The following ST6GALNAC3 variants were observed in gnomAD, a reference collection of about 807,000 sequenced individuals.
ST6GALNAC3 encodes the protein alpha-N-acetylgalactosaminide alpha-2,6-sialyltransferase 3.
Under a neutral mutation model 32.7 loss-of-function variants are expected in ST6GALNAC3, and 25 were observed. That is an observed-to-expected ratio of 0.76 (90% CI 0.56 to 1.07). The LOEUF is 1.07. Among genes scored for constraint, ST6GALNAC3 ranks in the 50% least tolerant of loss-of-function variants. The probability of loss-of-function intolerance (pLI) is 0.00; values close to 1 mark genes in which losing one functional copy is unlikely to be tolerated. For missense variants in ST6GALNAC3, 355 were observed against 382.4 expected (o/e 0.93, Z 0.60); for synonymous variants, 129 against 133.1 (o/e 0.97, Z 0.21).
intron 1 of ST6GALNAC3, among the ~76,000 whole-genome samples, chr1:76,293,215 C>A (rs1207144057): frequency 2.0e-5 from 3 of 152,170 alleles, no homozygotes; most frequent in Non-Finnish European, 2.9e-5. Flanking sequence ...CTTAACCAAT[C>A]TTTCTACCTT....
intron 3 of ST6GALNAC3, among the ~76,000 whole-genome samples, chr1:76,593,544 TA>T (rs1647082901): frequency 6.6e-6 from 1 of 152,166 alleles, no homozygotes; most frequent in South Asian, 2.1e-4. Context: ...TGTGGCAGAA[TA>T]AAAAGAGGTT....
intron 3 of ST6GALNAC3, among the ~76,000 whole-genome samples, chr1:76,435,101 AT>A (rs1422593959): frequency 3.3e-5 from 5 of 151,880 alleles, no homozygotes; most frequent in Non-Finnish European, 5.9e-5. Context: ...ACCATTTTAT[AT>A]TTTGATAATT....
At chr1:76,358,002 T>G (rs1208579252) in intron 2 of ST6GALNAC3, among the ~76,000 whole-genome samples, 1 of 152,146 alleles carries the variant, frequency 6.6e-6, no homozygotes, top group African/African-American at 2.4e-5. Context: ...TACTACACCT[T>G]TTTCATTATT....
intron 1 of ST6GALNAC3, among the ~76,000 whole-genome samples, chr1:76,227,379 G>C (rs1469028710): frequency 6.6e-6 from 1 of 152,148 alleles, no homozygotes; most frequent in Non-Finnish European, 1.5e-5. Flanking sequence ...GTGGAATTGA[G>C]CACATTGTTT....
chr1:76,535,902 T>C (rs1663565574), intron 3 of ST6GALNAC3, among the ~76,000 whole-genome samples: 1 of 152,200 alleles, frequency 6.6e-6, no homozygotes, highest in Admixed American at 6.5e-5. Context: ...GCAGGTTTTA[T>C]AACTTAACTA....
chr1:76,278,097 A>T (rs907746072), intron 1 of ST6GALNAC3, among the ~76,000 whole-genome samples: 1 of 135,436 alleles, frequency 7.4e-6, no homozygotes, highest in Non-Finnish European at 1.5e-5. Flanking sequence ...TCTTTGTAAC[A>T]TTATAATGTT....
At chr1:76,426,832 T>C (rs1489042889) in intron 3 of ST6GALNAC3, among the ~76,000 whole-genome samples, 2 of 151,928 alleles carry the variant, frequency 1.3e-5, no homozygotes, top group African/African-American at 4.8e-5. Context: ...GCTATAGGAA[T>C]TTTTCAGCTC....
At chr1:76,459,975 C>T (rs1259120944) in intron 3 of ST6GALNAC3, among the ~76,000 whole-genome samples, 1 of 152,006 alleles carries the variant, frequency 6.6e-6, no homozygotes, top group Non-Finnish European at 1.5e-5. Context: ...TACTTGAATA[C>T]CTGTTTTCAG....
intron 2 of ST6GALNAC3, 110 bp downstream of exon 2, chr1:76,314,109 A>T (rs1222621439): frequency 2.3e-5 from 24 of 1,033,482 alleles, no homozygotes; most frequent in Admixed American, 3.1e-5. Context: ...TGCCCCGGAG[A>T]GCTTGCTTGG....
chr1:76,178,624 A>C (rs1414546706), intron 1 of ST6GALNAC3, among the ~76,000 whole-genome samples: 1 of 152,220 alleles, frequency 6.6e-6, no homozygotes, highest in Non-Finnish European at 1.5e-5. Context: ...ATCAAGATCA[A>C]TAGTTTTAAT....
intron 1 of ST6GALNAC3, among the ~76,000 whole-genome samples, chr1:76,171,375 T>TC (rs149321682): frequency 2.0e-4 from 31 of 152,200 alleles, no homozygotes; most frequent in Non-Finnish European, 3.5e-4. Context: ...CATTAACCAC[T>TC]AACTAAGTGG....
At chr1:76,202,511 C>T (rs1250456982) in intron 1 of ST6GALNAC3, among the ~76,000 whole-genome samples, 1 of 152,132 alleles carries the variant, frequency 6.6e-6, no homozygotes, top group Non-Finnish European at 1.5e-5. Flanking sequence ...CTCCCCCAGC[C>T]TCTTCCAGTC....
intron 3 of ST6GALNAC3, among the ~76,000 whole-genome samples, chr1:76,477,225 A>C (rs1448018939): frequency 1.6e-4 from 3 of 18,208 alleles, no homozygotes; most frequent in African/African-American, 5.5e-4. Flanking sequence ...CTTTTCATCC[A>C]GCATTTTTTT....
chr1:76,408,075 A>G (rs1212424031), intron 2 of ST6GALNAC3, among the ~76,000 whole-genome samples: 1 of 152,052 alleles, frequency 6.6e-6, no homozygotes, highest in Non-Finnish European at 1.5e-5. Flanking sequence ...CTGTAGTTTG[A>G]AGGTGCCTTC....
intron 2 of ST6GALNAC3, among the ~76,000 whole-genome samples, chr1:76,372,037 T>C (rs1416931392): frequency 6.6e-6 from 1 of 152,192 alleles, no homozygotes; most frequent in Non-Finnish European, 1.5e-5. Context: ...TAGAGCTGTG[T>C]AATAACAGAT....
chr1:76,174,147 T>A (rs1490334285), intron 1 of ST6GALNAC3, among the ~76,000 whole-genome samples: 2 of 152,216 alleles, frequency 1.3e-5, no homozygotes, highest in African/African-American at 4.8e-5. Flanking sequence ...CATGGAATAC[T>A]ATGCAGCCAT....
At chr1:76,378,526 G>C (rs887437348) in intron 2 of ST6GALNAC3, among the ~76,000 whole-genome samples, 1 of 151,972 alleles carries the variant, frequency 6.6e-6, no homozygotes, top group Non-Finnish European at 1.5e-5. Context: ...GCTGAGCATG[G>C]TGGCATGCGC....
intron 3 of ST6GALNAC3, among the ~76,000 whole-genome samples, chr1:76,466,448 A>G (rs1658636515): frequency 6.6e-6 from 1 of 152,080 alleles, no homozygotes; most frequent in African/African-American, 2.4e-5. Context: ...ACCATGAGCA[A>G]TTGCCATTTT....
At chr1:76,266,107 G>A (rs1658511825) in intron 1 of ST6GALNAC3, among the ~76,000 whole-genome samples, 1 of 152,200 alleles carries the variant, frequency 6.6e-6, no homozygotes, top group African/African-American at 2.4e-5. Flanking sequence ...CTGGAAATAG[G>A]TAGCAACAGA....
Sources: allele counts gnomAD v4.1 joint callset (sites outside exome capture counted in the v4.1 genomes callset), GRCh38; gene constraint gnomAD v4.1.1; transcripts MANE v1.5; gene names NCBI Gene and HGNC (gene_info 2026-07-23, HGNC 2026-07-21).